Variants in MSI2 observed in about 807,000 individuals in gnomAD.
MSI2 encodes the protein RNA-binding protein Musashi homolog 2.
MSI2 carries 17 observed loss-of-function variants against 45.6 expected under a neutral mutation model. The ratio of observed to expected loss-of-function variants is 0.37; its 90% CI spans 0.26 to 0.56. The LOEUF is 0.56. Among genes scored for constraint, MSI2 ranks in the 20% least tolerant of loss-of-function variants. MSI2 has a pLI of 0.77. For synonymous variants in MSI2, 156 were observed against 158.2 expected (o/e 0.99, Z 0.11); for missense variants, 293 against 444.2 (o/e 0.66, Z 3.06).
chr17:57,672,391 A>G (rs2144742981), intron 11 of MSI2, among the ~76,000 whole-genome samples: 1 of 152,336 alleles, frequency 6.6e-6, no homozygotes, highest in Admixed American at 6.5e-5. Context: ...GATGGGCATA[A>G]TACCAACAGC....
At chr17:57,686,486 T>C (rs994260324), downstream of MSI2, among the ~76,000 whole-genome samples, 2 of 152,016 alleles carry the variant, frequency 1.3e-5, no homozygotes, top group Non-Finnish European at 2.9e-5. Flanking sequence ...TAGATGTGTT[T>C]AGAAAAAACA....
chr17:57,503,629 G>A (rs1391347822), intron 6 of MSI2, among the ~76,000 whole-genome samples: 4 of 152,226 alleles, frequency 2.6e-5, no homozygotes, highest in African/African-American at 7.2e-5. Flanking sequence ...ACGTTCATCC[G>A]TCAGTCAGTC....
chr17:57,452,797 A>C (rs144958271), intron 6 of MSI2, among the ~76,000 whole-genome samples: 1 of 152,146 alleles, frequency 6.6e-6, no homozygotes. Flanking sequence ...TTACCAGCCC[A>C]TGAGGGTGGT....
chr17:57,316,205 T>A (rs1275016310), intron 5 of MSI2, among the ~76,000 whole-genome samples: 2 of 152,186 alleles, frequency 1.3e-5, no homozygotes, highest in African/African-American at 4.8e-5. Context: ...TAGTAGATAC[T>A]GCTAAGTAAT....
At chr17:57,312,869 A>G (rs1912512951) in intron 5 of MSI2, among the ~76,000 whole-genome samples, 1 of 152,040 alleles carries the variant, frequency 6.6e-6, no homozygotes, top group Non-Finnish European at 1.5e-5. Context: ...CTTTTTTGGG[A>G]CAGAGTCTCG....
At chr17:57,517,510 C>T (rs2086494477) in intron 6 of MSI2, among the ~76,000 whole-genome samples, 1 of 152,200 alleles carries the variant, frequency 6.6e-6, no homozygotes, top group Non-Finnish European at 1.5e-5. Context: ...CTCCTCCAAG[C>T]TTTTGAAGCT....
At chr17:57,613,888 T>A (rs1297421690) in intron 8 of MSI2, among the ~76,000 whole-genome samples, 1 of 152,230 alleles carries the variant, frequency 6.6e-6, no homozygotes, top group Non-Finnish European at 1.5e-5. Flanking sequence ...GCAAGAGTAA[T>A]ACCTGTTGTC....
intron 5 of MSI2, among the ~76,000 whole-genome samples, chr17:57,397,145 A>G (rs1467604207): frequency 3.9e-5 from 6 of 152,144 alleles, no homozygotes; most frequent in East Asian, 3.9e-4. Context: ...TGTACCCTGT[A>G]TGGGTACTCT....
intron 5 of MSI2, among the ~76,000 whole-genome samples, chr17:57,385,345 C>G (rs1254287250): frequency 6.6e-6 from 1 of 152,240 alleles, no homozygotes; most frequent in African/African-American, 2.4e-5. Context: ...CACTTGACTT[C>G]TAGCAATCCA....
At chr17:57,568,702 G>C (rs2087799382) in intron 7 of MSI2, among the ~76,000 whole-genome samples, 1 of 152,202 alleles carries the variant, frequency 6.6e-6, no homozygotes, top group Non-Finnish European at 1.5e-5. Flanking sequence ...TAAACTCCTA[G>C]AGGGTGCTTT....
intron 5 of MSI2, chr17:57,266,295 C>T (rs1191499146): frequency 6.6e-6 from 1 of 152,188 alleles, no homozygotes; most frequent in African/African-American, 2.4e-5. Flanking sequence ...AAATTCTTCA[C>T]TGGGAGTCTG....
At chr17:57,474,093 A>G (rs1171975020) in intron 6 of MSI2, among the ~76,000 whole-genome samples, 1 of 152,026 alleles carries the variant, frequency 6.6e-6, no homozygotes, top group Non-Finnish European at 1.5e-5. Flanking sequence ...AGGAACTCTC[A>G]CGCGAAGTTG....
chr17:57,459,926 C>G (rs548817535), intron 6 of MSI2, among the ~76,000 whole-genome samples: 13 of 151,972 alleles, frequency 8.6e-5, no homozygotes, highest in Admixed American at 2.0e-4. Context: ...GTCAGGAGTT[C>G]GAGACCAGCC....
intron 5 of MSI2, among the ~76,000 whole-genome samples, chr17:57,333,711 G>A (rs1033631486): frequency 7.2e-5 from 11 of 151,866 alleles, no homozygotes; most frequent in Admixed American, 5.2e-4. Flanking sequence ...CAAAGTGCTG[G>A]GATTTATAGG....
intron 7 of MSI2, among the ~76,000 whole-genome samples, chr17:57,565,749 C>G (rs1333071532): frequency 1.3e-5 from 2 of 152,212 alleles, no homozygotes; most frequent in African/African-American, 4.8e-5. Flanking sequence ...CTCTGTGGAG[C>G]AGTTGAAGCT....
At chr17:57,419,185 C>CTT (rs1241938482) in intron 6 of MSI2, among the ~76,000 whole-genome samples, 1 of 136,358 alleles carries the variant, frequency 7.3e-6, no homozygotes. Flanking sequence ...TGGAGGTTTT[C>CTT]TTTTTTTTTT....
At chr17:57,316,551 C>T (rs28367389) in intron 5 of MSI2, among the ~76,000 whole-genome samples, 21,087 of 152,150 alleles carry the variant, frequency 0.14, 2,981 homozygotes, top group African/African-American at 0.35. Flanking sequence ...GTCGCAAACT[C>T]CTGGCCTCAA....
At position 57,552,191 on chromosome 17, in the gene MSI2, C is replaced by T. The variant is rs897708742; in HGVS notation, c.454+22467C>T. On this transcript the variant is annotated intron_variant, in intron 7 of 13. Transcript: ENST00000284073. This position sits in a 1 kb window ranked among gnomAD's most constrained non-coding sequence, Gnocchi z 4.3. ...TCACTAGACCCTCAGGCCATCTGGTCGTGAGGTTTTTACTGCTAACGGGAC... is the reference window on the plus strand; with the variant it reads ...TCACTAGACCCTCAGGCCATCTGGTTGTGAGGTTTTTACTGCTAACGGGAC... 1.3e-5 allele frequency among the ~76,000 whole-genome samples: 2 copies of T among 152,222 alleles called. No individual in the cohort carries two copies. The highest frequency in any genetic ancestry group is 2.9e-5 in the Non-Finnish European group (2 of 68,040).
chr17:57,308,279 G>C (rs1474765996), intron 5 of MSI2, among the ~76,000 whole-genome samples: 1 of 152,162 alleles, frequency 6.6e-6, no homozygotes, highest in Non-Finnish European at 1.5e-5. Flanking sequence ...CATTTTCCAA[G>C]GTTGTTTTGA....
Sources: allele counts gnomAD v4.1 joint callset (sites outside exome capture counted in the v4.1 genomes callset), GRCh38; gene constraint gnomAD v4.1.1; non-coding constraint Gnocchi (gnomAD v3.1); transcripts MANE v1.5; gene names NCBI Gene and HGNC (gene_info 2026-07-23, HGNC 2026-07-21).